FOXK2: variants seen among roughly 807,000 people sequenced by gnomAD.
FOXK2 encodes the protein forkhead box protein K2.
Under a neutral mutation model 53.3 loss-of-function variants are expected in FOXK2, and 24 were observed. That is an observed-to-expected ratio of 0.45 (90% CI 0.33 to 0.63). FOXK2 has a LOEUF of 0.63. Among genes scored for constraint, FOXK2 ranks in the 30% least tolerant of loss-of-function variants. The pLI is 0.03. For synonymous variants in FOXK2, 505 were observed against 407.1 expected (o/e 1.24, Z -2.89); for missense variants, 952 against 910.5 (o/e 1.05, Z -0.59).
chr17:82,534,088 A>G (rs1201075955), intron 1 of FOXK2, among the ~76,000 whole-genome samples: 5 of 151,802 alleles, frequency 3.3e-5, no homozygotes, highest in African/African-American at 4.8e-5. Context: ...AAAAAAAAAA[A>G]AGAGAAAAAT....
intron 1 of FOXK2, among the ~76,000 whole-genome samples, chr17:82,540,746 A>T (rs1382297394): frequency 6.6e-6 from 1 of 152,186 alleles, no homozygotes. Flanking sequence ...AATAGTTATC[A>T]AGTTAGCAGT....
At position 82,601,786 on chromosome 17, in the gene FOXK2, C is replaced by G. The variant is rs368403780; in HGVS notation, c.*287C>G. On this transcript the variant is annotated 3_prime_UTR_variant, in exon 9 of 9. Transcript: ENST00000335255. ...CTGTCCTCCCGCGAGGACCAGGCAT[C>G]GCTGTGTGAGGACGGCACGGCCAGC... is the stretch of plus-strand genomic sequence containing the variant. The G allele has an allele frequency of 6.1e-6, 2 of 325,930 alleles. No homozygotes were observed. Among genetic ancestry groups the G allele is most frequent in the Admixed American group, 8.6e-5 (2 of 23,342 alleles). The allele number at this position is 325,930 out of a possible 1,614,324, so 20.2% of individuals were successfully genotyped here.
Position 82,582,894 on chromosome 17 carries a change from G to C in FOXK2, c.1063G>C (p.Val355Leu). The change falls in exon 5 of 9, where the codon GTG becomes CTG. Residue 355 changes from valine to leucine, a missense_variant. Coordinates refer to ENST00000335255, the MANE Select transcript of FOXK2 (RefSeq NM_004514.4). The stretch of plus-strand genomic sequence containing the variant: ...TTTTAGGAAACGACGGCCTAGGGGC[G>C]TGCCCTGCTTTAGAACCCCTCTGGG... ...QAFRKRRPRG[V>L]PCFRTPLGPL... is the part of the protein sequence containing the mutation. The C allele has an allele frequency of 6.2e-7, 1 of 1,609,180 alleles. No individual in the cohort carries two copies. The highest frequency in any genetic ancestry group is 8.5e-7 in the Non-Finnish European group (1 of 1,178,910).
At chr17:82,581,839 A>G (rs1482542439) in intron 4 of FOXK2, among the ~76,000 whole-genome samples, 1 of 152,066 alleles carries the variant, frequency 6.6e-6, no homozygotes, top group Non-Finnish European at 1.5e-5. Flanking sequence ...CAAACTCCTG[A>G]CCTCAACTGA....
Position 82,571,747 on chromosome 17 carries a change from C to T in FOXK2, c.786C>T (p.Ser262=). The T allele has an allele frequency of 1.3e-6, 2 of 1,579,366 alleles. No individual in the cohort carries two copies. Among genetic ancestry groups the T allele is most frequent in the Non-Finnish European group, 1.7e-6 (2 of 1,166,692 alleles). ...SPKDDSKPPY[S]YAQLIVQAIT... ...AGGATGATTCAAAGCCGCCTTACTC[C>T]TACGCGCAGCTGATAGTTCAGGCGA... The change falls in exon 4 of 9, where the codon TCC becomes TCT. Residue 262 remains serine, a synonymous_variant. Transcript: ENST00000335255.
rs572388484 is a variant in FOXK2 at position 82,579,907 on chromosome 17, C to T, written c.910-2834C>T. Among the ~76,000 whole-genome samples, 10 of 126,544 alleles carry T rather than the reference C, an allele frequency of 7.9e-5. No homozygotes were observed. In the East Asian group the frequency reaches 2.0e-3, roughly 26 times the overall value. The allele number at this position is 126,544 out of a possible 152,430, so 83.0% of individuals were successfully genotyped here. A position where few individuals can be genotyped will look rare whatever the true frequency, so the allele number is the denominator to read the frequency against. On this transcript the variant is annotated intron_variant, in intron 4 of 8. Coordinates refer to ENST00000335255, the MANE Select transcript of FOXK2 (RefSeq NM_004514.4). ...GTCGCCCATGAAGTAGCTCCATCCACAGGGCCCAGATCCCTCCCACACATG... is the reference window on the plus strand; with the variant it reads ...GTCGCCCATGAAGTAGCTCCATCCATAGGGCCCAGATCCCTCCCACACATG...
Position 82,582,722 on chromosome 17 carries a change from AT to A in FOXK2, c.910-12del. On this transcript the variant is annotated intron_variant, in intron 4 of 8. Coordinates refer to ENST00000335255, the MANE Select transcript of FOXK2 (RefSeq NM_004514.4). ...GCAAATAAATATATGAATTCTACGT[AT>A]TTTTTTATGTTTCATAGAATTCAAT... 5.8e-6 allele frequency: 9 copies of A among 1,542,044 alleles called. No homozygotes were observed. Among genetic ancestry groups the A allele is most frequent in the Middle Eastern group, 1.7e-4 (1 of 5,782 alleles).
At chr17:82,552,734 C>T (rs756829370) in intron 1 of FOXK2, among the ~76,000 whole-genome samples, 2 of 152,020 alleles carry the variant, frequency 1.3e-5, no homozygotes, top group Admixed American at 6.6e-5. Context: ...CGTTTTGTGC[C>T]GTGGACAATG....
chr17:82,589,985 G>A (rs999475140), intron 8 of FOXK2, among the ~76,000 whole-genome samples: 1 of 151,886 alleles, frequency 6.6e-6, no homozygotes, highest in African/African-American at 2.4e-5. Flanking sequence ...GATGGAGGTT[G>A]CAGTGAGCCG....
chr17:82,528,021 T>A (rs1056531305), intron 1 of FOXK2, among the ~76,000 whole-genome samples: 5 of 152,048 alleles, frequency 3.3e-5, no homozygotes, highest in Admixed American at 1.3e-4. Context: ...TGGTCGCAAA[T>A]TCCTGTCCTC....
intron 8 of FOXK2, chr17:82,600,304 G>A (rs1348009151): frequency 6.6e-6 from 1 of 152,280 alleles, no homozygotes; most frequent in Non-Finnish European, 1.5e-5. Context: ...CAGATTCTGT[G>A]GAATCTGCCC....
intron 7 of FOXK2, 51 bp from the exon 8 acceptor site, chr17:82,587,009 ATTT>A: frequency 2.6e-6 from 4 of 1,562,962 alleles, no homozygotes; most frequent in Non-Finnish European, 3.5e-6. Context: ...AACTGGCAAG[ATTT>A]TTATTTGCTT....
At chr17:82,587,603 C>T (rs1020034937) in intron 8 of FOXK2, 7 of 389,852 alleles carry the variant, frequency 1.8e-5, no homozygotes, top group South Asian at 8.9e-5. Flanking sequence ...CCCTTGGCCT[C>T]GCGCGCCCTG....
intron 1 of FOXK2, among the ~76,000 whole-genome samples, chr17:82,529,500 C>G (rs952695424): frequency 3.3e-5 from 5 of 151,930 alleles, no homozygotes; most frequent in Non-Finnish European, 4.4e-5. Context: ...AGTGATTCTC[C>G]TGCCTTAGCC....
At chr17:82,531,897 A>G (rs1198878489) in intron 1 of FOXK2, among the ~76,000 whole-genome samples, 8 of 152,256 alleles carry the variant, frequency 5.3e-5, no homozygotes, top group Admixed American at 4.6e-4. Flanking sequence ...CTGCAGTGCA[A>G]TGGCGTGATC....
At chr17:82,526,769 T>C (rs893568392) in intron 1 of FOXK2, among the ~76,000 whole-genome samples, 1 of 150,310 alleles carries the variant, frequency 6.7e-6, no homozygotes, top group African/African-American at 2.5e-5. Flanking sequence ...GATTGGAGCT[T>C]GCAGTGAGCC....
At chr17:82,571,121 C>G (rs3829565) in intron 3 of FOXK2, among the ~76,000 whole-genome samples, 25,341 of 152,092 alleles carry the variant, frequency 0.17, 2,628 homozygotes, top group East Asian at 0.39. Context: ...GCCTGTACCC[C>G]TGGGGTAGCT....
chr17:82,567,275 C>T (rs2144121716), intron 2 of FOXK2, among the ~76,000 whole-genome samples: 1 of 152,346 alleles, frequency 6.6e-6, no homozygotes, highest in Middle Eastern at 3.4e-3. Context: ...GATATTGTTC[C>T]ATTTCAATGG....
intron 1 of FOXK2, among the ~76,000 whole-genome samples, chr17:82,529,955 C>G (rs1413684736): frequency 6.6e-6 from 1 of 152,118 alleles, no homozygotes; most frequent in African/African-American, 2.4e-5. Flanking sequence ...TACATTGATA[C>G]AGATATTCTG....
Sources: gnomAD v4.1 joint callset for allele counts (sites outside exome capture counted in the v4.1 genomes callset) on GRCh38, gnomAD v4.1.1 for gene constraint, MANE v1.5 for transcripts, NCBI Gene and HGNC (gene_info 2026-07-23, HGNC 2026-07-21) for gene names.